Variants in ADAMTS13 observed in about 807,000 individuals in gnomAD.
ADAMTS13 encodes ADAM metallopeptidase with thrombospondin type 1 motif 13.
ADAMTS13 carries 110 observed loss-of-function variants against 155.1 expected under a neutral mutation model. The ratio of observed to expected loss-of-function variants is 0.71; its 90% confidence interval spans 0.61 to 0.83. ADAMTS13 has a LOEUF of 0.83. ADAMTS13 is among the 40% of genes least tolerant of loss of function. ADAMTS13 has a pLI of 0.00. For synonymous variants in ADAMTS13, 758 were observed against 756.4 expected (o/e 1.00, Z -0.03); for missense variants, 1,707 against 1,891.7 (o/e 0.90, Z 1.81).
Position 133,455,434 on chromosome 9 carries a change from G to C in ADAMTS13, c.3399G>C (p.Gln1133His). The C allele has an allele frequency of 6.2e-7, 1 of 1,612,572 alleles. No individual in the cohort carries two copies. The highest frequency in any genetic ancestry group is 8.5e-7 in the Non-Finnish European group (1 of 1,179,870). Residue 1133 changes from glutamine (Q) to histidine (H), a missense_variant and splice_region_variant, in exon 25 of 29, where the codon CAG becomes CAC. This residue lies in a region of ADAMTS13 where 961 missense variants were observed against 1,107.9 expected (regional missense o/e 0.87). Transcript: ENST00000355699. ...RGCWAGPCVG[Q>H]GACGRQHLEP... ...GCTGGGCTGGGCCCTGTGTGGGACA[G>C]GGTACGCCCAGCCTGGTGCCCCACG...
chr9:133,415,078 C>T, intron 1 of ADAMTS13: 4 of 1,339,434 alleles, frequency 3.0e-6, no homozygotes, highest in Non-Finnish European at 4.1e-6. Context: ...ATTGAAAAAA[C>T]TTACGTGTGT....
chr9:133,430,496 G>C (rs587714291), intron 8 of ADAMTS13, among the ~76,000 whole-genome samples: 2 of 152,142 alleles, frequency 1.3e-5, no homozygotes, highest in Non-Finnish European at 2.9e-5. Context: ...GGGCTGGTAG[G>C]GGGAGGGGAG....
At chr9:133,454,327 G>A (rs1480081534) in intron 23 of ADAMTS13, 88 bp from the exon 24 acceptor site, 39 of 1,488,182 alleles carry the variant, frequency 2.6e-5, no homozygotes, top group Non-Finnish European at 3.4e-5. Context: ...GCAACTGTCC[G>A]AGTACACGTG....
rs148472763 is a variant in ADAMTS13, at chr9:133,437,864, G to A, written c.1551G>A (p.Gly517=). 6 of 1,613,858 alleles carry A rather than the reference G, an allele frequency of 3.7e-6. No individual in the cohort carries two copies. Among genetic ancestry groups the A allele is most frequent in the Non-Finnish European group, 3.4e-6 (4 of 1,180,030 alleles). ...TGCCAAGTGGCCCCCGGGAGGACGGGACCCTGAGCCTGTGTGTGTCGGGCA... is the reference window on the plus strand; with the variant it reads ...TGCCAAGTGGCCCCCGGGAGGACGGAACCCTGAGCCTGTGTGTGTCGGGCA... ...RCMPSGPRED[G]TLSLCVSGSC... is the part of the protein sequence containing the mutation. The change falls in exon 13 of 29, where the codon GGG becomes GGA. Residue 517 remains glycine (G), a synonymous_variant. Coordinates refer to ENST00000355699, the MANE Select transcript of ADAMTS13 (RefSeq NM_139027.6).
chr9:133,458,555 C>CAAAAAAAAAAAAAAAAAA (rs10699153), intron 28 of ADAMTS13, among the ~76,000 whole-genome samples: 1 of 56,228 alleles, frequency 1.8e-5, no homozygotes, highest in Non-Finnish European at 3.0e-5. Flanking sequence ...GACTCTGTCT[C>CAAAAAAAAAAAAAAAAAA]AAAAAAAAAA....
At chr9:133,436,147 G>A (rs1002091445) in intron 11 of ADAMTS13, among the ~76,000 whole-genome samples, 1 of 151,724 alleles carries the variant, frequency 6.6e-6, no homozygotes, top group Non-Finnish European at 1.5e-5. Context: ...TGGCCATCTC[G>A]GTGGTATGAA....
intron 7 of ADAMTS13, among the ~76,000 whole-genome samples, chr9:133,428,976 T>A (rs989344863): frequency 8.3e-6 from 1 of 121,058 alleles, no homozygotes; most frequent in African/African-American, 3.2e-5. Flanking sequence ...GCCAGCCCGC[T>A]GGGCCGCCCG....
upstream of ADAMTS13, among the ~76,000 whole-genome samples, chr9:133,419,759 G>A (rs112617212): frequency 9.8e-3 from 1,495 of 152,274 alleles, 20 homozygotes; most frequent in African/African-American, 0.034. Flanking sequence ...TTTGTTTTGA[G>A]ACGGAGTCTT....
At chr9:133,435,753 T>C (rs1841153326) in intron 11 of ADAMTS13, among the ~76,000 whole-genome samples, 2 of 151,324 alleles carry the variant, frequency 1.3e-5, no homozygotes, top group Middle Eastern at 3.4e-3. Context: ...GGGATGGTCT[T>C]GATCTCCTGA....
At chr9:133,431,790 G>C (rs1308746969) in intron 8 of ADAMTS13, among the ~76,000 whole-genome samples, 3 of 152,166 alleles carry the variant, frequency 2.0e-5, no homozygotes, top group East Asian at 3.9e-4. Flanking sequence ...GAATAGCTGG[G>C]ACTACAGGTG....
chr9:133,440,005 T>A lies in ADAMTS13; in HGVS notation c.1787-339T>A, dbSNP rs1312197506. 6.6e-6 allele frequency among the ~76,000 whole-genome samples: 1 copy of A among 152,214 alleles called. No homozygotes were observed. Among genetic ancestry groups the A allele is most frequent in the Non-Finnish European group, 1.5e-5 (1 of 68,036 alleles). On this transcript the variant is annotated intron_variant, in intron 15 of 28. Transcript: ENST00000355699. The surrounding 1 kb of genome is among the most constrained non-coding windows in gnomAD (Gnocchi z 4.3). ...GGAAGCCAACAGCAAAAGCTGGACT[T>A]CTCTTTGGGCAAGGCCCGCTTCTTT...
chr9:133,430,132 C>T (rs1392091974), intron 8 of ADAMTS13, 31 bp downstream of exon 8: 26 of 1,558,768 alleles, frequency 1.7e-5, no homozygotes, highest in Non-Finnish European at 2.2e-5. Flanking sequence ...CTGGGATTGG[C>T]TGTGAGGTCC....
chr9:133,458,209 G>T, intron 28 of ADAMTS13, 115 bp downstream of exon 28: 1 of 1,239,216 alleles, frequency 8.1e-7, no homozygotes, highest in Non-Finnish European at 1.1e-6. Context: ...AATCATTAGT[G>T]AAAGAATGGG....
Position 133,442,622 on chromosome 9 carries a change from TG to T in ADAMTS13, c.2116del (p.Val706Ter). Reference protein sequence around the residue: ...CSVSCGAGLRWVNYSCLDQAR... With the variant: ...CSVSCGAGLRXVNYSCLDQAR... ...TCCCTCTTCCCTCCCAGGGCTGCGC[TG>T]GGTAAACTACAGCTGCCTGGACCAG... is the stretch of plus-strand genomic sequence containing the variant. On this transcript the variant is annotated frameshift_variant, in exon 18 of 29. Coordinates refer to ENST00000355699, the MANE Select transcript of ADAMTS13 (RefSeq NM_139027.6). LOFTEE classifies it high-confidence loss of function. 1 of 1,613,268 alleles carries T rather than the reference TG, an allele frequency of 6.2e-7. No homozygotes were observed.
chr9:133,448,765 C>A, intron 22 of ADAMTS13, 37 bp downstream of exon 22: 1 of 1,592,944 alleles, frequency 6.3e-7, no homozygotes, highest in East Asian at 2.2e-5. Context: ...CTGGCCTTCT[C>A]CCTGTAAGTG....
rs587768033 is a variant in ADAMTS13, at chr9:133,458,943, C to T, written c.3910-31C>T. ...GTGAGTGCTAATTATTACTTGTGGC[C>T]GGTCCTTCTGGGCTGCCCCTTTTCT... is the stretch of plus-strand genomic sequence containing the variant. On this transcript the variant is annotated intron_variant, in intron 28 of 28. Coordinates refer to ENST00000355699, the MANE Select transcript of ADAMTS13 (RefSeq NM_139027.6). 1.3e-5 allele frequency: 21 copies of T among 1,594,128 alleles called. No homozygotes were observed. In the Admixed American group the frequency reaches 1.7e-4, roughly 13 times the overall value.
chr9:133,422,666 G>A lies in ADAMTS13; in HGVS notation c.105+118G>A, dbSNP rs1418446335. On this transcript the variant is annotated intron_variant, in intron 1 of 28. Coordinates refer to ENST00000355699, the MANE Select transcript of ADAMTS13 (RefSeq NM_139027.6). ...TACATCAGCTTTGGGGTTTGCGCTG[G>A]GCAGGGGAGTCTGTACTTGGGGCTT... is the stretch of plus-strand genomic sequence containing the variant. The A allele has an allele frequency of 4.0e-6, 4 of 998,416 alleles. No homozygotes were observed. In the East Asian group the frequency reaches 1.0e-4, roughly 26 times the overall value. The allele number at this position is 998,416 out of a possible 1,614,324, so 61.8% of individuals were successfully genotyped here.
chr9:133,451,020 G>A (rs782384257), intron 23 of ADAMTS13, among the ~76,000 whole-genome samples: 2 of 152,218 alleles, frequency 1.3e-5, no homozygotes, highest in Admixed American at 1.3e-4. Flanking sequence ...ACTAGGACAC[G>A]GGACAGAATC....
chr9:133,443,307 C>A, intron 18 of ADAMTS13, 69 bp from the exon 19 acceptor site: 1 of 1,531,016 alleles, frequency 6.5e-7, no homozygotes. Flanking sequence ...ACATCAGCAC[C>A]TGCCACCCCA....
Sources: allele counts gnomAD v4.1 joint callset (sites outside exome capture counted in the v4.1 genomes callset), GRCh38; gene constraint gnomAD v4.1.1; regional missense constraint gnomAD v4.1.1; non-coding constraint Gnocchi (gnomAD v3.1); transcripts MANE v1.5; gene names NCBI Gene and HGNC (gene_info 2026-07-23, HGNC 2026-07-21).